The following ARHGEF10 variants were observed in gnomAD, a reference collection of about 807,000 sequenced individuals.
The protein encoded by ARHGEF10 is Rho guanine nucleotide exchange factor 10.
Under a neutral mutation model 147.4 loss-of-function variants are expected in ARHGEF10, and 140 were observed. That is an observed-to-expected ratio of 0.95 (90% CI 0.83 to 1.09). ARHGEF10 has a LOEUF of 1.09. ARHGEF10 is among the 50% of genes least tolerant of loss of function. ARHGEF10 has a pLI of 0.00. For missense variants in ARHGEF10, 2,222 were observed against 1,752.7 expected (o/e 1.27, Z -4.78); for synonymous variants, 902 against 695.8 (o/e 1.30, Z -4.67).
At chr8:1,914,681 G>A (rs996361666) in intron 18 of ARHGEF10, among the ~76,000 whole-genome samples, 1 of 152,212 alleles carries the variant, frequency 6.6e-6, no homozygotes, top group African/African-American at 2.4e-5. Flanking sequence ...CCATTGCTGT[G>A]GGAAGGGCTG....
At chr8:1,955,827 C>T (rs1815518662) in intron 28 of ARHGEF10, among the ~76,000 whole-genome samples, 1 of 152,276 alleles carries the variant, frequency 6.6e-6, no homozygotes, top group Non-Finnish European at 1.5e-5. Context: ...TGCCCAGGGG[C>T]AGCATCGCTG....
chr8:1,858,508 T>C (rs372305037), intron 3 of ARHGEF10, among the ~76,000 whole-genome samples: 1 of 152,372 alleles, frequency 6.6e-6, no homozygotes, highest in East Asian at 1.9e-4. Flanking sequence ...CCTTTGTATT[T>C]TGCAAAGAAA....
At chr8:1,932,520 G>T (rs1272431278) in intron 25 of ARHGEF10, among the ~76,000 whole-genome samples, 1 of 152,194 alleles carries the variant, frequency 6.6e-6, no homozygotes. Flanking sequence ...GCACGTGTGT[G>T]TGTGCGTGCA....
At chr8:1,851,507 AG>A (rs1805148053) in intron 2 of ARHGEF10, among the ~76,000 whole-genome samples, 1 of 143,624 alleles carries the variant, frequency 7.0e-6, no homozygotes, top group African/African-American at 2.6e-5. Context: ...GATGGGGGAT[AG>A]TGTTGGGGGA....
At chr8:1,867,522 G>C (rs1474094109) in intron 6 of ARHGEF10, among the ~76,000 whole-genome samples, 1 of 152,166 alleles carries the variant, frequency 6.6e-6, no homozygotes, top group Non-Finnish European at 1.5e-5. Flanking sequence ...TCCCGTCTCT[G>C]TGTGGATTAA....
chr8:1,928,489 C>T lies in ARHGEF10; in HGVS notation c.2760C>T (p.Pro920=). 6.2e-7 allele frequency: 1 copy of T among 1,614,170 alleles called. No individual in the cohort carries two copies. The highest frequency in any genetic ancestry group is 8.5e-7 in the Non-Finnish European group (1 of 1,180,044). ...IAIVSFQNST[P]KVIECFNVES... is the part of the protein sequence containing the mutation. ...TCGTCTCGTTTCAAAATTCCACTCC[C>T]AAAGTCATTGAGTGCTTCAACGTGG... is the stretch of plus-strand genomic sequence containing the variant. Residue 920 remains proline (P), a synonymous_variant, in exon 24 of 29, where the codon CCC becomes CCT. Transcript: ENST00000349830.
chr8:1,854,222 T>C (rs13278409), intron 2 of ARHGEF10, among the ~76,000 whole-genome samples: 43,291 of 152,050 alleles, frequency 0.28, 6,573 homozygotes, highest in Non-Finnish European at 0.34. Context: ...CCCGGCCCCA[T>C]GCTCACCTCA....
chr8:1,877,067 A>G (rs947384093), intron 8 of ARHGEF10, among the ~76,000 whole-genome samples: 5 of 152,242 alleles, frequency 3.3e-5, no homozygotes, highest in African/African-American at 1.2e-4. Context: ...TTTGCGGAAC[A>G]CTGAATAGAT....
At chr8:1,934,092 T>C in intron 26 of ARHGEF10, 150 bp downstream of exon 26, 1 of 1,042,182 alleles carries the variant, frequency 9.6e-7, no homozygotes, top group Non-Finnish European at 1.4e-6. Context: ...GCCAACACTC[T>C]GGGAGGCCAA....
intron 25 of ARHGEF10, among the ~76,000 whole-genome samples, chr8:1,930,236 G>A (rs142704590): frequency 3.3e-3 from 502 of 152,104 alleles, no homozygotes; most frequent in African/African-American, 0.011. Flanking sequence ...ACCGAAAGTT[G>A]CCCTGCACCA....
intron 5 of ARHGEF10, among the ~76,000 whole-genome samples, chr8:1,865,821 C>G (rs776550590): frequency 3.6e-4 from 55 of 152,212 alleles, no homozygotes; most frequent in Non-Finnish European, 5.7e-4. Flanking sequence ...CCAGCAGTGT[C>G]TCTGCGCTGC....
chr8:1,914,239 T>C (rs1365589892), intron 18 of ARHGEF10, among the ~76,000 whole-genome samples: 1 of 152,226 alleles, frequency 6.6e-6, no homozygotes, highest in Non-Finnish European at 1.5e-5. Flanking sequence ...TTTTAAAACG[T>C]GAAACGGTTC....
chr8:1,887,056 A>G (rs934969030), intron 11 of ARHGEF10, among the ~76,000 whole-genome samples: 47 of 152,306 alleles, frequency 3.1e-4, no homozygotes, highest in African/African-American at 1.1e-3. Context: ...TGCCAGTCCT[A>G]TGAGGCGCTC....
chr8:1,870,243 T>C (rs1402095565), intron 7 of ARHGEF10: 1 of 94,766 alleles, frequency 1.1e-5, no homozygotes, highest in African/African-American at 4.0e-5. Flanking sequence ...ATTTTTTTTT[T>C]TTTTTTTTTT....
intron 1 of ARHGEF10, among the ~76,000 whole-genome samples, chr8:1,830,396 GGT>G (rs1803023627): frequency 6.6e-6 from 1 of 152,224 alleles, no homozygotes; most frequent in Non-Finnish European, 1.5e-5. Context: ...GCACCTTCTT[GGT>G]CCCTTGAGGC....
intron 4 of ARHGEF10, among the ~76,000 whole-genome samples, chr8:1,862,135 G>A (rs1806181075): frequency 6.6e-6 from 1 of 152,230 alleles, no homozygotes; most frequent in Admixed American, 6.5e-5. Flanking sequence ...GAAAAGCGTG[G>A]ATTTGGTGTT....
At position 1,948,213 on chromosome 8, in the gene ARHGEF10, C is replaced by T. The variant is rs1814749381; in HGVS notation, c.3397+2558C>T. 6.6e-6 allele frequency among the ~76,000 whole-genome samples: 1 copy of T among 152,192 alleles called. No homozygotes were observed. The highest frequency in any genetic ancestry group is 2.4e-5 in the African/African-American group (1 of 41,454). On this transcript the variant is annotated intron_variant, in intron 27 of 28. Coordinates refer to ENST00000349830, the MANE Select transcript of ARHGEF10 (RefSeq NM_014629.4). This position sits in a 1 kb window ranked among gnomAD's most constrained non-coding sequence, Gnocchi z 4.9. ...CCCTGGCGCCCACTCTCCCGGGCCCCTCCAACATCCTGGGCTGGCTCTCCA... is the reference window on the plus strand; with the variant it reads ...CCCTGGCGCCCACTCTCCCGGGCCCTTCCAACATCCTGGGCTGGCTCTCCA...
intron 7 of ARHGEF10, among the ~76,000 whole-genome samples, chr8:1,875,781 T>TA (rs1218001704): frequency 6.6e-6 from 1 of 152,244 alleles, no homozygotes; most frequent in African/African-American, 2.4e-5. Context: ...CTTTGAATGT[T>TA]ACTTATGTGC....
At chr8:1,867,987 T>G (rs1016247440) in intron 6 of ARHGEF10, among the ~76,000 whole-genome samples, 3 of 152,228 alleles carry the variant, frequency 2.0e-5, no homozygotes, top group African/African-American at 7.2e-5. Context: ...TTGCTAACAG[T>G]TTTATTTCCG....
Sources: allele counts gnomAD v4.1 joint callset (sites outside exome capture counted in the v4.1 genomes callset), GRCh38; gene constraint gnomAD v4.1.1; non-coding constraint Gnocchi (gnomAD v3.1); transcripts MANE v1.5; gene names NCBI Gene and HGNC (gene_info 2026-07-23, HGNC 2026-07-21).